The following ARHGAP28 variants were observed in gnomAD, a reference collection of about 807,000 sequenced individuals.
The protein encoded by ARHGAP28 is Rho GTPase activating protein 28, also known as rho GTPase-activating protein 28.
In ARHGAP28, 56 loss-of-function variants were observed where a neutral mutation model predicts 90.7. The ratio of observed to expected loss-of-function variants is 0.62; its 90% CI spans 0.50 to 0.77. The LOEUF is 0.77. Ranked by LOEUF, ARHGAP28 falls within the 30% of genes least tolerant of loss-of-function variation. The pLI, the probability that ARHGAP28 is intolerant of heterozygous loss-of-function variation, is 0.00. For missense variants in ARHGAP28, 869 were observed against 900.9 expected (o/e 0.96, Z 0.45); for synonymous variants, 308 against 323.3 (o/e 0.95, Z 0.51).
chr18:6,787,040 T>G, intron 1 of ARHGAP28, among the ~76,000 whole-genome samples: 1 of 151,822 alleles, frequency 6.6e-6, no homozygotes, highest in East Asian at 1.9e-4. Flanking sequence ...GCCAACATGG[T>G]GAAACCCCGT....
chr18:6,793,281 A>C (rs1051017344), intron 1 of ARHGAP28, among the ~76,000 whole-genome samples: 2 of 152,188 alleles, frequency 1.3e-5, no homozygotes, highest in African/African-American at 4.8e-5. Flanking sequence ...ACAATAGGTA[A>C]GGTCTTTTTA....
At chr18:6,778,264 A>G (rs1429707703) in intron 1 of ARHGAP28, among the ~76,000 whole-genome samples, 2 of 152,202 alleles carry the variant, frequency 1.3e-5, no homozygotes, top group Admixed American at 6.5e-5. Flanking sequence ...TCCACATGAA[A>G]TGACTGACAA....
At chr18:6,739,841 A>G (rs1266739530) in intron 1 of ARHGAP28, among the ~76,000 whole-genome samples, 1 of 149,088 alleles carries the variant, frequency 6.7e-6, no homozygotes, top group Non-Finnish European at 1.5e-5. Context: ...AGTATGATTT[A>G]TACCATAAGA....
At chr18:6,797,337 A>G (rs1005733935) in intron 1 of ARHGAP28, among the ~76,000 whole-genome samples, 2 of 152,174 alleles carry the variant, frequency 1.3e-5, no homozygotes, top group African/African-American at 2.4e-5. Context: ...ATGGTTGCCA[A>G]CTCAAGGATT....
intron 1 of ARHGAP28, among the ~76,000 whole-genome samples, chr18:6,730,302 A>G (rs1486513831): frequency 6.6e-6 from 1 of 151,638 alleles, no homozygotes; most frequent in Non-Finnish European, 1.5e-5. Context: ...AATGAAACAC[A>G]AGCAGCACAT....
intron 9 of ARHGAP28, among the ~76,000 whole-genome samples, chr18:6,875,418 G>T (rs753336681): frequency 1.3e-5 from 2 of 152,166 alleles, no homozygotes; most frequent in Non-Finnish European, 2.9e-5. Context: ...AAATAGCAGA[G>T]AAGCTGGATC....
At chr18:6,888,791 A>G (rs1047715268) in intron 12 of ARHGAP28, among the ~76,000 whole-genome samples, 6 of 152,178 alleles carry the variant, frequency 3.9e-5, no homozygotes, top group African/African-American at 1.4e-4. Context: ...AGGATGTTAC[A>G]CACATGCACT....
At chr18:6,806,930 C>A in intron 1 of ARHGAP28, among the ~76,000 whole-genome samples, 1 of 152,082 alleles carries the variant, frequency 6.6e-6, no homozygotes, top group Admixed American at 6.5e-5. Flanking sequence ...TGCTATCTTT[C>A]AGATTGTATT....
At chr18:6,761,666 G>A (rs2056161066) in intron 1 of ARHGAP28, among the ~76,000 whole-genome samples, 1 of 152,136 alleles carries the variant, frequency 6.6e-6, no homozygotes, top group African/African-American at 2.4e-5. Context: ...GGGAAGTAAA[G>A]CCAACAAGCC....
At chr18:6,818,211 G>A (rs187582225) in intron 1 of ARHGAP28, among the ~76,000 whole-genome samples, 4 of 152,262 alleles carry the variant, frequency 2.6e-5, no homozygotes, top group South Asian at 2.1e-4. Context: ...GCTGTAGCCC[G>A]CATTCAAACC....
At chr18:6,805,887 T>C (rs1477185840) in intron 1 of ARHGAP28, among the ~76,000 whole-genome samples, 1 of 151,932 alleles carries the variant, frequency 6.6e-6, no homozygotes, top group African/African-American at 2.4e-5. Context: ...TATTTTTCCT[T>C]TTTTTAAAAT....
intron 1 of ARHGAP28, chr18:6,774,350 A>G (rs2056267062): frequency 6.6e-6 from 1 of 152,170 alleles, no homozygotes; most frequent in African/African-American, 2.4e-5. Flanking sequence ...GCTTTTTTAA[A>G]ATCTATTTTT....
chr18:6,830,463 C>T (rs2056706529), intron 2 of ARHGAP28, among the ~76,000 whole-genome samples: 1 of 152,086 alleles, frequency 6.6e-6, no homozygotes, highest in Non-Finnish European at 1.5e-5. Context: ...AAGACTATCC[C>T]TCCCTTAGCC....
intron 14 of ARHGAP28, among the ~76,000 whole-genome samples, chr18:6,891,474 G>T (rs1191849940): frequency 6.6e-6 from 1 of 151,996 alleles, no homozygotes; most frequent in Non-Finnish European, 1.5e-5. Flanking sequence ...TAGTAGAGTA[G>T]GGTTTCACCA....
intron 1 of ARHGAP28, among the ~76,000 whole-genome samples, chr18:6,773,578 T>C (rs1195816067): frequency 6.6e-6 from 1 of 152,166 alleles, no homozygotes; most frequent in Non-Finnish European, 1.5e-5. Context: ...AGCTAGTAAA[T>C]GGCAAAGTTT....
At chr18:6,860,035 G>A in intron 5 of ARHGAP28, 138 bp downstream of exon 5, 1 of 716,674 alleles carries the variant, frequency 1.4e-6, no homozygotes, top group Admixed American at 2.8e-5. Flanking sequence ...AACCACAGCT[G>A]CTGGTAGAAC....
intron 1 of ARHGAP28, among the ~76,000 whole-genome samples, chr18:6,793,842 T>C (rs1029742160): frequency 2.0e-5 from 3 of 152,064 alleles, no homozygotes; most frequent in Admixed American, 2.0e-4. Context: ...CTCAGACTCA[T>C]TTATCAATAT....
chr18:6,834,163 A>T (rs2056735516), intron 2 of ARHGAP28, among the ~76,000 whole-genome samples: 1 of 24,684 alleles, frequency 4.1e-5, no homozygotes, highest in African/African-American at 6.4e-5. Flanking sequence ...TAGAGTGATT[A>T]AAAAAAAAGC....
chr18:6,774,190 T>C (rs1240028909), intron 1 of ARHGAP28: 1 of 152,148 alleles, frequency 6.6e-6, no homozygotes, highest in African/African-American at 2.4e-5. Context: ...GTTTTGTGGG[T>C]CTTCCTCAAG....
Sources: gnomAD v4.1 joint callset for allele counts (sites outside exome capture counted in the v4.1 genomes callset) on GRCh38, gnomAD v4.1.1 for gene constraint, MANE v1.5 for transcripts, NCBI Gene and HGNC (gene_info 2026-07-23, HGNC 2026-07-21) for gene names.